Variants in FHIT observed in about 807,000 individuals in gnomAD.
FHIT encodes bis(5'-adenosyl)-triphosphatase.
In FHIT, 19 loss-of-function variants were observed where a neutral mutation model predicts 17.9. The observed-to-expected ratio is 1.06, with a 90% CI of 0.74 to 1.56. The LOEUF (loss-of-function observed/expected upper bound fraction) is 1.56, where lower values mean the gene tolerates loss of function less well. Among genes scored for constraint, FHIT ranks in the 40% most tolerant of loss-of-function variants. FHIT has a pLI of 0.00. For synonymous variants in FHIT, 81 were observed against 69.7 expected, an observed-to-expected ratio of 1.16 and a Z score of -0.81; for missense variants, 248 against 189.2, an observed-to-expected ratio of 1.31 and a Z score of -1.82.
intron 3 of FHIT, among the ~76,000 whole-genome samples, chr3:60,910,881 C>G (rs1049985864): frequency 3.3e-5 from 5 of 152,210 alleles, no homozygotes; most frequent in African/African-American, 1.2e-4. Context: ...AAGCCAGTGT[C>G]ACCCCACTGG....
At chr3:60,708,742 T>C (rs6773644) in intron 4 of FHIT, among the ~76,000 whole-genome samples, 116 of 152,316 alleles carry the variant, frequency 7.6e-4, no homozygotes, top group African/African-American at 2.7e-3. Context: ...TTAAGACTCA[T>C]TGTTGGCAAG....
At chr3:59,934,215 T>A (rs56045314) in intron 7 of FHIT, among the ~76,000 whole-genome samples, 2,978 of 152,254 alleles carry the variant, frequency 0.02, 102 homozygotes, top group African/African-American at 0.067. Flanking sequence ...ATAGATATAA[T>A]CCAAATTATT....
intron 5 of FHIT, among the ~76,000 whole-genome samples, chr3:60,528,630 A>C (rs2035660980): frequency 6.6e-6 from 1 of 152,242 alleles, no homozygotes; most frequent in Non-Finnish European, 1.5e-5. Flanking sequence ...TGAAGAACAA[A>C]GAACATGCTT....
intron 9 of FHIT, chr3:59,751,955 G>T: frequency 2.6e-6 from 1 of 389,072 alleles, no homozygotes; most frequent in Non-Finnish European, 4.6e-6. Context: ...GAGCACCACC[G>T]CAGGAAAGAC....
At chr3:61,064,958 A>G (rs913285333) in intron 2 of FHIT, among the ~76,000 whole-genome samples, 6 of 152,182 alleles carry the variant, frequency 3.9e-5, no homozygotes, top group Non-Finnish European at 7.4e-5. Flanking sequence ...TTATACTGCC[A>G]ACTTATATCA....
At chr3:60,323,860 C>T (rs150190847) in intron 5 of FHIT, among the ~76,000 whole-genome samples, 84 of 152,228 alleles carry the variant, frequency 5.5e-4, no homozygotes, top group African/African-American at 1.9e-3. Flanking sequence ...GGCCTGCCCA[C>T]GCTTTGTTAT....
At chr3:59,860,360 C>T (rs749981995) in intron 8 of FHIT, among the ~76,000 whole-genome samples, 1 of 152,008 alleles carries the variant, frequency 6.6e-6, no homozygotes, top group Non-Finnish European at 1.5e-5. Context: ...ACCAGGTATG[C>T]AAGGAGAAAA....
rs755425141 is a variant in FHIT, at chr3:60,030,438, A to C, written c.104-16286T>G. 1.1e-3 allele frequency among the ~76,000 whole-genome samples: 168 copies of C among 152,322 alleles called. 2 individuals are homozygous for C. The highest frequency in any genetic ancestry group is 5.0e-4 in the Non-Finnish European group (34 of 68,026). On this transcript the variant is annotated intron_variant, in intron 5 of 9. Transcript: ENST00000492590. ...TTCATCCTTGGATCCAAAGACCAGC[A>C]TATGGAGCCCAGGTTAGGACAGATG...
chr3:60,395,581 CTAGA>C (rs1163330906), intron 5 of FHIT, among the ~76,000 whole-genome samples: 1 of 151,972 alleles, frequency 6.6e-6, no homozygotes, highest in Non-Finnish European at 1.5e-5. Context: ...AGTTTATGAG[CTAGA>C]TAGAGAGTCT....
At chr3:60,629,607 A>G (rs1431466772) in intron 4 of FHIT, among the ~76,000 whole-genome samples, 1 of 152,190 alleles carries the variant, frequency 6.6e-6, no homozygotes, top group African/African-American at 2.4e-5. Flanking sequence ...ATTAAAGTCA[A>G]CTCAAGGAAA....
At chr3:59,817,209 T>A (rs192852446) in intron 8 of FHIT, among the ~76,000 whole-genome samples, 1 of 152,300 alleles carries the variant, frequency 6.6e-6, no homozygotes, top group East Asian at 1.9e-4. Context: ...TAATGTAATT[T>A]TAATGTTTGT....
intron 8 of FHIT, among the ~76,000 whole-genome samples, chr3:59,762,653 T>G (rs7433715): frequency 0.014 from 2,105 of 152,294 alleles, 44 homozygotes; most frequent in African/African-American, 0.047. Flanking sequence ...ACATGGGTGG[T>G]AAAACAGCAT....
intron 8 of FHIT, among the ~76,000 whole-genome samples, chr3:59,838,594 C>A (rs754050079): frequency 6.6e-6 from 1 of 152,100 alleles, no homozygotes; most frequent in Non-Finnish European, 1.5e-5. Flanking sequence ...TGTGGAGTGG[C>A]AGGTTTAGAG....
At chr3:60,511,248 G>T (rs2034939820) in intron 5 of FHIT, among the ~76,000 whole-genome samples, 1 of 152,120 alleles carries the variant, frequency 6.6e-6, no homozygotes, top group Non-Finnish European at 1.5e-5. Context: ...AATGGTGCTG[G>T]AGATATACTA....
At chr3:60,778,923 A>G (rs1236183866) in intron 4 of FHIT, among the ~76,000 whole-genome samples, 1 of 152,130 alleles carries the variant, frequency 6.6e-6, no homozygotes, top group Non-Finnish European at 1.5e-5. Context: ...GTCAGTAAAG[A>G]ATGTCACTTT....
At chr3:59,875,225 C>T (rs1243861158) in intron 8 of FHIT, among the ~76,000 whole-genome samples, 1 of 152,186 alleles carries the variant, frequency 6.6e-6, no homozygotes, top group Non-Finnish European at 1.5e-5. Context: ...CTTCTTTTGT[C>T]ACTGTCACCA....
At chr3:60,950,747 TC>T (rs1352984236) in intron 3 of FHIT, among the ~76,000 whole-genome samples, 1 of 151,990 alleles carries the variant, frequency 6.6e-6, no homozygotes, top group Non-Finnish European at 1.5e-5. Context: ...GGTCTCGAAC[TC>T]CTGACCTCAA....
At chr3:60,463,460 C>T (rs753979119) in intron 5 of FHIT, among the ~76,000 whole-genome samples, 3 of 152,174 alleles carry the variant, frequency 2.0e-5, no homozygotes, top group African/African-American at 4.8e-5. Flanking sequence ...TTTCAGTTGG[C>T]CCTATTGGCC....
intron 1 of FHIT, among the ~76,000 whole-genome samples, chr3:61,250,619 A>ATC (rs1384216701): frequency 6.6e-6 from 1 of 152,136 alleles, no homozygotes; most frequent in Non-Finnish European, 1.5e-5. Context: ...CTGCAGATGC[A>ATC]TCTCAAGTTC....
Sources: gnomAD v4.1 joint callset for allele counts (sites outside exome capture counted in the v4.1 genomes callset) on GRCh38, gnomAD v4.1.1 for gene constraint, MANE v1.5 for transcripts, NCBI Gene and HGNC (gene_info 2026-07-23, HGNC 2026-07-21) for gene names.